DZANK1: variants seen among roughly 807,000 people sequenced by gnomAD.
DZANK1 encodes double zinc ribbon and ankyrin repeat domains 1, also known as double zinc ribbon and ankyrin repeat-containing protein 1.
Under a neutral mutation model 94.5 loss-of-function variants are expected in DZANK1, and 91 were observed. The observed-to-expected ratio is 0.96, with a 90% CI of 0.81 to 1.15. The LOEUF (loss-of-function observed/expected upper bound fraction) is 1.15. DZANK1 is among the 50% of genes most tolerant of loss of function. DZANK1 has a pLI of 0.00. For missense variants in DZANK1, 903 were observed against 916.4 expected (o/e 0.99, Z 0.19); for synonymous variants, 312 against 325.3 (o/e 0.96, Z 0.44).
intron 9 of DZANK1, chr20:18,428,548 G>C (rs758412756): frequency 6.6e-6 from 1 of 152,158 alleles, no homozygotes; most frequent in Non-Finnish European, 1.5e-5. Context: ...AAAAACAACA[G>C]ACAAAGAAAT....
chr20:18,427,801 T>C (rs2058109093), intron 9 of DZANK1, among the ~76,000 whole-genome samples: 2 of 152,126 alleles, frequency 1.3e-5, no homozygotes, highest in South Asian at 4.1e-4. Flanking sequence ...AATATGAATT[T>C]AGGTTTGCTC....
At chr20:18,427,874 G>A (rs1600955501) in intron 9 of DZANK1, among the ~76,000 whole-genome samples, 1 of 152,210 alleles carries the variant, frequency 6.6e-6, no homozygotes, top group Non-Finnish European at 1.5e-5. Flanking sequence ...GTAGTGGCTG[G>A]GTGCAGTGGC....
chr20:18,458,372 T>C (rs957549632), intron 3 of DZANK1, among the ~76,000 whole-genome samples: 1 of 152,340 alleles, frequency 6.6e-6, no homozygotes, highest in Middle Eastern at 3.4e-3. Context: ...CCAGTGAACA[T>C]GCAAGTGTCT....
At chr20:18,439,206 C>A (rs553566018) in intron 8 of DZANK1, among the ~76,000 whole-genome samples, 25 of 152,274 alleles carry the variant, frequency 1.6e-4, no homozygotes, top group African/African-American at 6.0e-4. Flanking sequence ...AAGATTTGGG[C>A]ATTTCCTTTT....
intron 6 of DZANK1, among the ~76,000 whole-genome samples, 152 bp from the exon 7 acceptor site, chr20:18,449,221 T>C (rs1317710471): frequency 6.6e-6 from 1 of 151,756 alleles, no homozygotes; most frequent in East Asian, 1.9e-4. Flanking sequence ...ACTCTAAAAG[T>C]GGGAAGGGTG....
At chr20:18,455,263 T>C (rs749642025) in exon 4 of DZANK1, 2 of 1,604,364 alleles carry the variant, frequency 1.2e-6, no homozygotes, top group East Asian at 4.5e-5. Flanking sequence ...TGAAGAATCT[T>C]TGAGAACATT....
chr20:18,455,749 G>C lies in DZANK1; in HGVS notation c.264-388C>G, dbSNP rs142442909. Among the ~76,000 whole-genome samples, 1,285 of 152,244 alleles carry C rather than the reference G, an allele frequency of 8.4e-3. 17 individuals carry two copies. Among genetic ancestry groups the C allele is most frequent in the African/African-American group, 0.029 (1,198 of 41,540 alleles). ...TGCAAAGCCTGGGCTGGGGTAACTGGAACAGCTAGGGGCTCGCCACTCATC... is the reference window on the plus strand; with the variant it reads ...TGCAAAGCCTGGGCTGGGGTAACTGCAACAGCTAGGGGCTCGCCACTCATC... On this transcript the variant is annotated intron_variant, in intron 3 of 20. Coordinates refer to ENST00000262547, the Ensembl canonical transcript of DZANK1.
intron 13 of DZANK1, among the ~76,000 whole-genome samples, chr20:18,408,018 C>G (rs2148392007): frequency 6.6e-6 from 1 of 152,232 alleles, no homozygotes; most frequent in East Asian, 1.9e-4. Flanking sequence ...AAAGTTTCTT[C>G]AAAGGGATAG....
At chr20:18,445,637 A>C (rs1376702154) in intron 7 of DZANK1, among the ~76,000 whole-genome samples, 2 of 152,216 alleles carry the variant, frequency 1.3e-5, no homozygotes, top group African/African-American at 4.8e-5. Context: ...GTACTGGCTC[A>C]TACCTATAAT....
exon 9 of DZANK1, chr20:18,433,757 C>G (rs199711988): frequency 2.5e-6 from 4 of 1,613,762 alleles, no homozygotes; most frequent in Non-Finnish European, 3.4e-6. Context: ...ATTCTGCACA[C>G]AAGCCCATCT....
rs149911098 is a variant in DZANK1, at chr20:18,420,607, G to A, written c.955-5158C>T. The A allele has an allele frequency of 3.4e-3, 754 of 224,676 alleles. 11 individuals carry two copies. The highest frequency in any genetic ancestry group is 0.016 in the African/African-American group (693 of 44,082). The allele number at this position is 224,676 out of a possible 1,614,324, so 13.9% of individuals were successfully genotyped here. A position where few individuals can be genotyped will look rare whatever the true frequency, so the allele number is the denominator to read the frequency against. On this transcript the variant is annotated intron_variant, in intron 10 of 20. Coordinates refer to ENST00000262547, the Ensembl canonical transcript of DZANK1. ...CAAAATAGGCACTGCCTGAAAAAATGGGTGCTTCCAGCGGAGGATGCCCTT... is the reference window on the plus strand; with the variant it reads ...CAAAATAGGCACTGCCTGAAAAAATAGGTGCTTCCAGCGGAGGATGCCCTT...
intron 13 of DZANK1, among the ~76,000 whole-genome samples, chr20:18,405,104 G>A (rs111774254): frequency 0.11 from 17,083 of 149,646 alleles, 1,056 homozygotes; most frequent in African/African-American, 0.16. Context: ...GCTGAGGCAG[G>A]AGCATTGCTC....
At position 18,412,712 on chromosome 20, in the gene DZANK1, G is replaced by A. The variant is rs751264370; in HGVS notation, c.1366C>T (p.Gln456Ter). Reference sequence around the variant, plus strand: ...CTCATTTTCTCCTGCCTCTGCTTTTGAGAGGCTAGTTCCTGTTCCTTTTTT... The same window carrying A: ...CTCATTTTCTCCTGCCTCTGCTTTTAAGAGGCTAGTTCCTGTTCCTTTTTT... Residue 456 changes from glutamine (Q) to a stop codon, truncating the protein, a stop_gained, in exon 13 of 21, where the codon CAA (glutamine) becomes TAA (stop). Transcript: ENST00000262547. LOFTEE classifies it high-confidence loss of function. The A allele has an allele frequency of 1.2e-6, 2 of 1,613,494 alleles. No individual in the cohort carries two copies. Among genetic ancestry groups the A allele is most frequent in the South Asian group, 1.1e-5 (1 of 91,062 alleles).
intron 8 of DZANK1, among the ~76,000 whole-genome samples, chr20:18,440,628 C>T (rs1305887645): frequency 6.6e-6 from 1 of 152,138 alleles, no homozygotes; most frequent in East Asian, 1.9e-4. Context: ...CACCCACAAC[C>T]CCCTGTGAGG....
chr20:18,448,638 G>T (rs1022008198), intron 7 of DZANK1, among the ~76,000 whole-genome samples: 1 of 152,126 alleles, frequency 6.6e-6, no homozygotes, highest in Admixed American at 6.5e-5. Context: ...GGAGACCGAG[G>T]TGGGCAGATC....
At chr20:18,403,855 A>G (rs972570375) in intron 13 of DZANK1, among the ~76,000 whole-genome samples, 1 of 137,560 alleles carries the variant, frequency 7.3e-6, no homozygotes, top group South Asian at 2.3e-4. Context: ...GTAGGAGTGC[A>G]GTGGCATGAT....
At chr20:18,463,561 T>C (rs6035050) in intron 2 of DZANK1, among the ~76,000 whole-genome samples, 5 of 152,376 alleles carry the variant, frequency 3.3e-5, no homozygotes, top group African/African-American at 1.2e-4. Flanking sequence ...TGGGTTACTG[T>C]TCTTTTTGTT....
Position 18,395,386 on chromosome 20 carries a change from CCAAAA to C in DZANK1, c.1612-1041_1612-1037del, listed in dbSNP as rs747948294. Among the ~76,000 whole-genome samples, 9 of 152,184 alleles carry C rather than the reference CCAAAA, an allele frequency of 5.9e-5. No individual in the cohort carries two copies. The South Asian group carries it at 1.9e-3, about 32-fold the overall frequency. On this transcript the variant is annotated intron_variant, in intron 15 of 20. Coordinates refer to ENST00000262547, the Ensembl canonical transcript of DZANK1. ...CAAAACAAAGCAAAACAAAACCAAA[CCAAAA>C]CAAAACAATGACCTGGGAACAGTTA...
chr20:18,395,890 A>C (rs1317749144), intron 15 of DZANK1, among the ~76,000 whole-genome samples: 1 of 152,082 alleles, frequency 6.6e-6, no homozygotes. Context: ...TGAGTTAGAC[A>C]GGGCCCATGC....
Sources: allele counts gnomAD v4.1 joint callset (sites outside exome capture counted in the v4.1 genomes callset), GRCh38; gene constraint gnomAD v4.1.1; transcripts MANE v1.5; gene names NCBI Gene and HGNC (gene_info 2026-07-23, HGNC 2026-07-21).